The following THADA variants were observed in gnomAD, a reference collection of about 807,000 sequenced individuals.
THADA encodes tRNA (32-2'-O)-methyltransferase regulator THADA.
THADA carries 213 observed loss-of-function variants against 219.8 expected under a neutral mutation model. The ratio of observed to expected loss-of-function variants is 0.97; its 90% CI spans 0.87 to 1.09. THADA has a LOEUF of 1.09. Among genes scored for constraint, THADA ranks in the 50% least tolerant of loss-of-function variants. The pLI, the probability that THADA is intolerant of heterozygous loss-of-function variation, is 0.00. For missense variants in THADA, 2,956 were observed against 2,311.3 expected, an observed-to-expected ratio of 1.28 and a Z score of -5.72; for synonymous variants, 1,018 against 828.9, an observed-to-expected ratio of 1.23 and a Z score of -3.92.
intron 29 of THADA, among the ~76,000 whole-genome samples, chr2:43,358,141 T>C (rs554751453): frequency 4.4e-4 from 67 of 152,162 alleles, no homozygotes; most frequent in Non-Finnish European, 8.8e-4. Flanking sequence ...ATCCCATGTA[T>C]GAATCTGTAT....
At position 43,560,530 on chromosome 2, in the gene THADA, C is replaced by G. The variant is rs541508186; in HGVS notation, c.2312-145G>C. The G allele has an allele frequency of 4.4e-4, 208 of 476,670 alleles. 2 individuals are homozygous for G. The highest frequency in any genetic ancestry group is 3.6e-3 in the African/African-American group (179 of 50,082). The allele number at this position is 476,670 out of a possible 1,614,324, so 29.5% of individuals were successfully genotyped here. On this transcript the variant is annotated intron_variant, in intron 15 of 37. Coordinates refer to ENST00000405975, the MANE Select transcript of THADA (RefSeq NM_022065.5). ...CATGATAGCTAAAACAGTAACTTTTCCATTAATTTATTTCTTAAAATGACA... is the reference window on the plus strand; with the variant it reads ...CATGATAGCTAAAACAGTAACTTTTGCATTAATTTATTTCTTAAAATGACA...
chr2:43,500,292 C>T lies in THADA; in HGVS notation c.3622-1337G>A, dbSNP rs114527922. 8.7e-3 allele frequency among the ~76,000 whole-genome samples: 1,317 copies of T among 152,250 alleles called. 24 individuals are homozygous for T. The highest frequency in any genetic ancestry group is 0.031 in the African/African-American group (1,267 of 41,540). Reference sequence around the variant, plus strand: ...TGGACTGGAAGAGAGCAAGAGGGGGCTTTCAGTTGCTAGAAATGTTCTATT... The same window carrying T: ...TGGACTGGAAGAGAGCAAGAGGGGGTTTTCAGTTGCTAGAAATGTTCTATT... On this transcript the variant is annotated intron_variant, in intron 24 of 37. Coordinates refer to ENST00000405975, the MANE Select transcript of THADA (RefSeq NM_022065.5).
chr2:43,436,055 C>A (rs758997870), intron 26 of THADA, among the ~76,000 whole-genome samples: 1 of 152,096 alleles, frequency 6.6e-6, no homozygotes, highest in Non-Finnish European at 1.5e-5. Context: ...AAGATAATGA[C>A]TACTTGCTTG....
intron 36 of THADA, among the ~76,000 whole-genome samples, chr2:43,248,200 GAGAGAGAGA>G (rs1558464626): frequency 1.2e-4 from 15 of 127,028 alleles, no homozygotes; most frequent in East Asian, 8.6e-4. Context: ...GAGAGAGAGA[GAGAGAGAGA>G]GAGAGACAGA....
At chr2:43,455,573 G>A (rs1334174625) in intron 26 of THADA, among the ~76,000 whole-genome samples, 2 of 151,726 alleles carry the variant, frequency 1.3e-5, no homozygotes, top group Non-Finnish European at 2.9e-5. Flanking sequence ...GAGTAATTCT[G>A]TCAGTTAAAA....
chr2:43,424,596 T>C (rs553966785), intron 28 of THADA, among the ~76,000 whole-genome samples: 48 of 152,356 alleles, frequency 3.2e-4, no homozygotes, highest in African/African-American at 7.2e-5. Context: ...TCTTCATGAA[T>C]AATATTCTCA....
chr2:43,442,041 C>T (rs1179186312), intron 26 of THADA, among the ~76,000 whole-genome samples: 1 of 152,078 alleles, frequency 6.6e-6, no homozygotes, highest in Non-Finnish European at 1.5e-5. Flanking sequence ...ATAAGGCAAA[C>T]CATTTTAATA....
intron 35 of THADA, among the ~76,000 whole-genome samples, chr2:43,281,844 A>T (rs1673399211): frequency 1.3e-5 from 2 of 151,876 alleles, no homozygotes; most frequent in African/African-American, 4.8e-5. Context: ...AATGGCTCAC[A>T]CTGCAGGCTC....
At chr2:43,344,285 C>T (rs1667388153) in intron 29 of THADA, 48 bp from the exon 30 acceptor site, 13 of 1,369,774 alleles carry the variant, frequency 9.5e-6, no homozygotes, top group Middle Eastern at 1.8e-4. Context: ...TATATTTTTC[C>T]TAAATGCTCA....
chr2:43,560,467 G>A lies in THADA; in HGVS notation c.2312-82C>T, dbSNP rs555888609. 6.7e-6 allele frequency: 7 copies of A among 1,051,412 alleles called. No homozygotes were observed. In the African/African-American group the frequency reaches 9.9e-5, roughly 15 times the overall value. 65.1% of individuals were successfully genotyped at this position (1,051,412 alleles called of 1,614,324 possible). On this transcript the variant is annotated intron_variant, in intron 15 of 37. Coordinates refer to ENST00000405975, the MANE Select transcript of THADA (RefSeq NM_022065.5). ...CTGAAGTTATTTGACCAAATTTATA[G>A]AAAATAAGTACCAAAAAACCACACT... is the stretch of plus-strand genomic sequence containing the variant.
At chr2:43,483,365 A>G (rs1686477185) in intron 26 of THADA, among the ~76,000 whole-genome samples, 1 of 152,224 alleles carries the variant, frequency 6.6e-6, no homozygotes, top group Non-Finnish European at 1.5e-5. Flanking sequence ...TAAAAGAACC[A>G]TCACAAGCAA....
At chr2:43,241,823 G>A (rs1049274003) in intron 36 of THADA, among the ~76,000 whole-genome samples, 5 of 152,080 alleles carry the variant, frequency 3.3e-5, no homozygotes, top group Non-Finnish European at 7.3e-5. Context: ...CTGTGGACAT[G>A]TGAGTTGGTG....
chr2:43,324,198 T>C (rs1181081304), intron 30 of THADA, among the ~76,000 whole-genome samples: 4 of 152,232 alleles, frequency 2.6e-5, no homozygotes, highest in East Asian at 1.9e-4. Context: ...TAAGTTAGCA[T>C]ATTTTTAAAA....
chr2:43,244,881 C>G (rs1344486678), intron 36 of THADA, among the ~76,000 whole-genome samples: 1 of 152,206 alleles, frequency 6.6e-6, no homozygotes, highest in African/African-American at 2.4e-5. Context: ...GCCACTCACC[C>G]CAGAGCACTC....
chr2:43,400,476 T>TATATATATAA (rs903186497), intron 28 of THADA, among the ~76,000 whole-genome samples: 2 of 144,448 alleles, frequency 1.4e-5, no homozygotes, highest in Admixed American at 6.9e-5. Flanking sequence ...TATATATATA[T>TATATATATAA]AAATATATAC....
rs143446721 is a variant in THADA, at chr2:43,482,351, T to G, written c.3836+2883A>C. ...GATCCTCTGCTCCTTTCTTTATATA[T>G]GAAACAGGAACTTCTTGTCTGTACT... On this transcript the variant is annotated intron_variant, in intron 26 of 37. Transcript: ENST00000405975. Among the ~76,000 whole-genome samples, 103 of 152,268 alleles carry G rather than the reference T, an allele frequency of 6.8e-4. 1 individual carries two copies. Among genetic ancestry groups the G allele is most frequent in the African/African-American group, 2.3e-3 (96 of 41,542 alleles).
intron 26 of THADA, among the ~76,000 whole-genome samples, chr2:43,453,785 T>C (rs1368125185): frequency 6.6e-6 from 1 of 152,224 alleles, no homozygotes; most frequent in Non-Finnish European, 1.5e-5. Context: ...TACATATGTG[T>C]TTCCGCTTAA....
At chr2:43,408,229 G>C (rs1675826166) in intron 28 of THADA, 2 of 152,190 alleles carry the variant, frequency 1.3e-5, no homozygotes, top group Admixed American at 1.3e-4. Flanking sequence ...CTGTGGCAGT[G>C]TCCCCTGGTA....
At chr2:43,299,088 G>A (rs565674054) in intron 31 of THADA, among the ~76,000 whole-genome samples, 18 of 152,058 alleles carry the variant, frequency 1.2e-4, no homozygotes, top group African/African-American at 3.6e-4. Flanking sequence ...ATCACCTTCC[G>A]GTTATGTGTA....
Sources: allele counts gnomAD v4.1 joint callset (sites outside exome capture counted in the v4.1 genomes callset), GRCh38; gene constraint gnomAD v4.1.1; transcripts MANE v1.5; gene names NCBI Gene and HGNC (gene_info 2026-07-23, HGNC 2026-07-21).